Variants in HOMER1 observed in about 807,000 individuals in gnomAD.
The protein encoded by HOMER1 is homer scaffold protein 1.
HOMER1 carries 3 observed loss-of-function variants against 48.9 expected under a neutral mutation model. The observed-to-expected ratio is 0.06, with a 90% confidence interval of 0.03 to 0.16. The LOEUF is 0.16. Among genes scored for constraint, HOMER1 ranks in the 10% least tolerant of loss-of-function variants. The pLI, the probability that HOMER1 is intolerant of heterozygous loss-of-function variation, is 1.00. For synonymous variants in HOMER1, 134 were observed against 146.4 expected, an observed-to-expected ratio of 0.92 and a Z score of 0.61; for missense variants, 247 against 411.4, an observed-to-expected ratio of 0.60 and a Z score of 3.46.
At chr5:79,477,435 T>C (rs2112335622) in intron 1 of HOMER1, among the ~76,000 whole-genome samples, 1 of 152,370 alleles carries the variant, frequency 6.6e-6, no homozygotes, top group African/African-American at 2.4e-5. Flanking sequence ...GGCTGAGCTT[T>C]TGTCATTCAC....
chr5:79,500,944 TGTGTGTGTGA>T (rs1384268336), intron 1 of HOMER1, among the ~76,000 whole-genome samples: 1 of 115,754 alleles, frequency 8.6e-6, no homozygotes, highest in African/African-American at 4.0e-5. Flanking sequence ...TGTGTGTGTG[TGTGTGTGTGA>T]GACAGACAGA....
intron 1 of HOMER1, among the ~76,000 whole-genome samples, chr5:79,468,560 C>T (rs1580003857): frequency 6.6e-6 from 1 of 152,194 alleles, no homozygotes; most frequent in Non-Finnish European, 1.5e-5. Context: ...ATGTTGTTCA[C>T]ATCATATTTC....
intron 1 of HOMER1, among the ~76,000 whole-genome samples, chr5:79,471,351 C>G (rs1751609453): frequency 6.6e-6 from 1 of 151,756 alleles, no homozygotes; most frequent in African/African-American, 2.4e-5. Flanking sequence ...TTCAAGACAG[C>G]CTGACCAACA....
rs146741124 is a variant in HOMER1 at position 79,376,671 on chromosome 5, G to A, written c.877-474C>T. Among the ~76,000 whole-genome samples the A allele has an allele frequency of 2.1e-3, 314 of 152,270 alleles. 1 individual carries two copies. The highest frequency in any genetic ancestry group is 7.2e-3 in the African/African-American group (300 of 41,566). ...ACAAGAAAGTAACTCTCTAAAATGT[G>A]ATTTTAGGATCCTCTGAATATGTTA... On this transcript the variant is annotated intron_variant, in intron 8 of 8. Coordinates refer to ENST00000334082, the MANE Select transcript of HOMER1 (RefSeq NM_004272.5).
intron 8 of HOMER1, among the ~76,000 whole-genome samples, chr5:79,392,108 A>G (rs1749268744): frequency 6.6e-6 from 1 of 152,232 alleles, no homozygotes; most frequent in Non-Finnish European, 1.5e-5. Flanking sequence ...AGTACATAAT[A>G]CTTAATAAAA....
Position 79,387,068 on chromosome 5 carries a change from T to TC in HOMER1, c.876+9754_876+9755insG, listed in dbSNP as rs773531687. 2.0e-3 allele frequency among the ~76,000 whole-genome samples: 248 copies of TC among 122,198 alleles called. 4 individuals are homozygous for TC. The highest frequency in any genetic ancestry group is 3.6e-3 in the Middle Eastern group (1 of 274). 80.2% of individuals were successfully genotyped at this position (122,198 alleles called of 152,430 possible). ...CCTTCCTTCCTTCCTCTTTCCTTTCTTTCTCTATCTCTCTCTCTCTCTCTC... is the reference window on the plus strand; with the variant it reads ...CCTTCCTTCCTTCCTCTTTCCTTTCTCTTCTCTATCTCTCTCTCTCTCTCTC... On this transcript the variant is annotated intron_variant, in intron 8 of 8. Transcript: ENST00000334082.
chr5:79,509,666 G>A (rs1752881053), intron 1 of HOMER1, among the ~76,000 whole-genome samples: 1 of 152,120 alleles, frequency 6.6e-6, no homozygotes. Flanking sequence ...CAACATCCAA[G>A]ATACTTTGAC....
chr5:79,433,645 A>T (rs1259980697), intron 5 of HOMER1, among the ~76,000 whole-genome samples: 1 of 152,212 alleles, frequency 6.6e-6, no homozygotes, highest in Non-Finnish European at 1.5e-5. Context: ...AAATATAAAA[A>T]TTTTGTATTT....
intron 5 of HOMER1, among the ~76,000 whole-genome samples, chr5:79,421,180 C>T (rs1205924311): frequency 6.6e-6 from 1 of 152,110 alleles, no homozygotes; most frequent in East Asian, 1.9e-4. Flanking sequence ...TGCAGAATAC[C>T]TTTGAAGCTA....
At chr5:79,394,516 T>C (rs1749331395) in intron 8 of HOMER1, among the ~76,000 whole-genome samples, 1 of 152,240 alleles carries the variant, frequency 6.6e-6, no homozygotes, top group Admixed American at 6.5e-5. Flanking sequence ...GTAAGAATTA[T>C]ATTCACAATT....
At chr5:79,467,248 G>T (rs554821623) in intron 1 of HOMER1, among the ~76,000 whole-genome samples, 148 of 152,066 alleles carry the variant, frequency 9.7e-4, no homozygotes, top group African/African-American at 3.3e-3. Flanking sequence ...AAAATTAGCT[G>T]GGCGTGCTGG....
At chr5:79,416,298 G>A (rs1446906602) in intron 5 of HOMER1, among the ~76,000 whole-genome samples, 1 of 152,174 alleles carries the variant, frequency 6.6e-6, no homozygotes, top group Non-Finnish European at 1.5e-5. Context: ...AATTTAGCAA[G>A]TTAATGAAGC....
intron 6 of HOMER1, chr5:79,397,848 T>C (rs1749428271): frequency 2.7e-6 from 1 of 365,884 alleles, no homozygotes; most frequent in Non-Finnish European, 4.8e-6. Flanking sequence ...CATGGCTTAG[T>C]CATAGAAAGG....
intron 1 of HOMER1, among the ~76,000 whole-genome samples, chr5:79,460,427 T>C (rs943600246): frequency 6.6e-6 from 1 of 152,168 alleles, no homozygotes. Flanking sequence ...GACCTTCTCA[T>C]ATACATGCAC....
At chr5:79,451,455 T>C (rs1176611853) in intron 2 of HOMER1, among the ~76,000 whole-genome samples, 2 of 150,880 alleles carry the variant, frequency 1.3e-5, no homozygotes, top group Non-Finnish European at 2.9e-5. Context: ...TGGATGATAA[T>C]CACTAGAAGA....
chr5:79,501,316 C>A (rs538721657), intron 1 of HOMER1, among the ~76,000 whole-genome samples: 2 of 152,080 alleles, frequency 1.3e-5, no homozygotes, highest in Non-Finnish European at 2.9e-5. Flanking sequence ...CTTTATTGTA[C>A]GAATACAGCA....
chr5:79,415,620 T>A (rs1749924213), intron 5 of HOMER1, among the ~76,000 whole-genome samples: 1 of 152,226 alleles, frequency 6.6e-6, no homozygotes, highest in African/African-American at 2.4e-5. Flanking sequence ...TCTTGGTGTA[T>A]CGTAGATCAG....
At chr5:79,379,495 TATTTATATAC>T (rs1157140770) in intron 8 of HOMER1, among the ~76,000 whole-genome samples, 1 of 130,874 alleles carries the variant, frequency 7.6e-6, no homozygotes, top group African/African-American at 2.9e-5. Context: ...AATATATAAA[TATTTATATAC>T]ATTTATATTA....
At chr5:79,484,652 A>G (rs749192503) in intron 1 of HOMER1, among the ~76,000 whole-genome samples, 7 of 152,254 alleles carry the variant, frequency 4.6e-5, no homozygotes, top group Non-Finnish European at 7.3e-5. Flanking sequence ...TTTGAAGACC[A>G]CCTTAAAAAT....
Sources: gnomAD v4.1 joint callset for allele counts (sites outside exome capture counted in the v4.1 genomes callset) on GRCh38, gnomAD v4.1.1 for gene constraint, MANE v1.5 for transcripts, NCBI Gene and HGNC (gene_info 2026-07-23, HGNC 2026-07-21) for gene names.